Variants in CRHBP observed in about 807,000 individuals in gnomAD.
CRHBP encodes the protein corticotropin-releasing hormone-binding protein.
Under a neutral mutation model 34.9 loss-of-function variants are expected in CRHBP, and 19 were observed. That is an observed-to-expected ratio of 0.55 (90% confidence interval 0.38 to 0.80). The LOEUF (loss-of-function observed/expected upper bound fraction) is 0.80. Among genes scored for constraint, CRHBP ranks in the 30% least tolerant of loss-of-function variants. CRHBP has a pLI of 0.00. For missense variants in CRHBP, 328 were observed against 409.2 expected, an observed-to-expected ratio of 0.80 and a Z score of 1.71; for synonymous variants, 154 against 153.4, an observed-to-expected ratio of 1.00 and a Z score of -0.03.
At chr5:76,972,492 C>T (rs1023696829), downstream of CRHBP, among the ~76,000 whole-genome samples, 4 of 151,478 alleles carry the variant, frequency 2.6e-5, no homozygotes, top group Non-Finnish European at 4.4e-5. Flanking sequence ...AGAGGGACTC[C>T]GTCTCAAAAA....
At chr5:76,975,843 TATACACGC>T (rs1176105595) in intron 2 of CRHBP, among the ~76,000 whole-genome samples, 2 of 96,346 alleles carry the variant, frequency 2.1e-5, no homozygotes, top group Admixed American at 9.8e-5. Flanking sequence ...TATATATATA[TATACACGC>T]ATATATATAT....
At chr5:76,970,445 A>G (rs1337180455), downstream of CRHBP, among the ~76,000 whole-genome samples, 3 of 152,148 alleles carry the variant, frequency 2.0e-5, no homozygotes, top group South Asian at 2.1e-4. Flanking sequence ...AAGTGTTTCA[A>G]ATACCTAGGA....
rs1176894871 is a variant in CRHBP, at chr5:76,975,842, A to ATATATATATG, written n.312-519_312-518insTATATGTATA. Among the ~76,000 whole-genome samples the ATATATATATG allele has an allele frequency of 1.7e-3, 170 of 100,528 alleles. 3 individuals carry two copies. Among genetic ancestry groups the ATATATATATG allele is most frequent in the African/African-American group, 8.5e-3 (162 of 19,066 alleles). The allele number at this position is 100,528 out of a possible 152,430, so 66.0% of individuals were successfully genotyped here. The stretch of plus-strand genomic sequence containing the variant: ...AAAAAAAAAATATATATATATATAT[A>ATATATATATG]TATACACGCATATATATATACACAC... On this transcript the variant is annotated intron_variant and non_coding_transcript_variant, in intron 2 of 3. Coordinates refer to the CRHBP transcript ENST00000514258.
chr5:76,953,343 C>T (rs1282419774), intron 1 of CRHBP, 128 bp downstream of exon 1: 2 of 903,160 alleles, frequency 2.2e-6, no homozygotes, highest in East Asian at 5.3e-5. Flanking sequence ...TGCTGTCTTG[C>T]CCCTGGTTTC....
At chr5:76,979,624 C>T (rs1297688784) in intron 3 of CRHBP, among the ~76,000 whole-genome samples, 1 of 152,194 alleles carries the variant, frequency 6.6e-6, no homozygotes, top group Non-Finnish European at 1.5e-5. Flanking sequence ...GCTGGGATTA[C>T]AGGCGTGAGA....
Position 76,954,144 on chromosome 5 carries a change from C to T in CRHBP, c.291C>T (p.Tyr97=). ...SEPEEFITIH[Y]DQVSIDCQGG... is the part of the protein sequence containing the mutation. The stretch of plus-strand genomic sequence containing the variant: ...CCGAGGAGTTCATTACCATCCACTA[C>T]GACCAGGTCTCCATCGACTGTCAGG... Residue 97 remains tyrosine, a synonymous_variant, in exon 3 of 7, where the codon TAC becomes TAT. Coordinates refer to ENST00000274368, the MANE Select transcript of CRHBP (RefSeq NM_001882.4). 2 of 1,614,006 alleles carry T rather than the reference C, an allele frequency of 1.2e-6. No individual in the cohort carries two copies. The highest frequency in any genetic ancestry group is 2.2e-5 in the East Asian group (1 of 44,854).
At chr5:76,953,953 C>T (rs1745621198) in intron 2 of CRHBP, 76 bp from the exon 3 acceptor site, 5 of 1,513,942 alleles carry the variant, frequency 3.3e-6, no homozygotes, top group Non-Finnish European at 4.4e-6. Flanking sequence ...ATGGGGCGCG[C>T]GGAGAGCGGC....
chr5:76,954,329 A>G, intron 3 of CRHBP, 143 bp downstream of exon 3: 2 of 1,040,526 alleles, frequency 1.9e-6, no homozygotes, highest in Non-Finnish European at 1.4e-6. Flanking sequence ...CCCGAGTCGG[A>G]GAGGCGCGTT....
rs1745610725 is a variant in CRHBP, at chr5:76,953,644, C to G, written c.125C>G (p.Ala42Gly). The G allele has an allele frequency of 6.2e-7, 1 of 1,612,334 alleles. No homozygotes were observed. Among genetic ancestry groups the G allele is most frequent in the Non-Finnish European group, 8.5e-7 (1 of 1,179,476 alleles). The change falls in exon 2 of 7, where the codon GCC (alanine) becomes GGC (glycine). Residue 42 changes from alanine to glycine, a missense_variant. By Grantham distance (60) the Ala-to-Gly change is moderately conservative. Transcript: ENST00000274368. ...ADYDPFLLFSANLKRELAGEQ... is the reference protein window; with the variant it reads ...ADYDPFLLFSGNLKRELAGEQ... ...TACGATCCTTTCCTGCTCTTCAGCG[C>G]CAACCTGAAGCGGGAGCTGGCTGGG...
chr5:76,967,080 T>G (rs146332159), intron 6 of CRHBP, among the ~76,000 whole-genome samples: 64 of 152,158 alleles, frequency 4.2e-4, no homozygotes, highest in African/African-American at 1.5e-3. Context: ...CCATCTCTAT[T>G]CAAATTCAAA....
At chr5:76,959,636 C>T (rs564511269) in intron 5 of CRHBP, among the ~76,000 whole-genome samples, 285 of 152,272 alleles carry the variant, frequency 1.9e-3, no homozygotes, top group African/African-American at 6.5e-3. Context: ...CCTAATCAGA[C>T]AGATTTTAGT....
chr5:76,976,426 G>C (rs911973616), exon 3 of CRHBP: 12 of 152,322 alleles, frequency 7.9e-5, no homozygotes, highest in African/African-American at 2.4e-4. Flanking sequence ...GATGAGAGAT[G>C]GATGGGCCCA....
chr5:76,953,139 C>G lies in CRHBP; in HGVS notation c.5C>G (p.Ser2Trp), dbSNP rs1414193628. The G allele has an allele frequency of 6.2e-7, 1 of 1,614,238 alleles. No homozygotes were observed. Among genetic ancestry groups the G allele is most frequent in the Non-Finnish European group, 8.5e-7 (1 of 1,180,032 alleles). The change falls in exon 1 of 7, where the codon TCG (serine) becomes TGG (tryptophan). Residue 2 changes from serine (S) to tryptophan (W), a missense_variant. Physicochemically the swap from Ser to Trp is radical, Grantham distance 177. Around this residue, in one of 3 missense-constraint regions of CRHBP, gnomAD observed 11 missense variants for 20.3 expected, o/e 0.54. Transcript: ENST00000274368. ...AGCTGCAGAGGCAAGGCCAGCATGT[C>G]GCCCAACTTCAAACTTCAGTGTCAC... M[S>W]PNFKLQCHFI...
At position 76,954,111 on chromosome 5, in the gene CRHBP, C is replaced by T; in HGVS notation, c.258C>T (p.Ile86=). 6.2e-7 allele frequency: 1 copy of T among 1,614,100 alleles called. No individual in the cohort carries two copies. Among genetic ancestry groups the T allele is most frequent in the Non-Finnish European group, 8.5e-7 (1 of 1,179,964 alleles). ...AGCTGCACTGCGCAGCCTTCTTCAT[C>T]AGCGAGCCCGAGGAGTTCATTACCA... The part of the protein sequence containing the change: ...RPQLHCAAFF[I]SEPEEFITIH... Residue 86 remains isoleucine, a synonymous_variant, in exon 3 of 7, where the codon ATC becomes ATT. Coordinates refer to ENST00000274368, the MANE Select transcript of CRHBP (RefSeq NM_001882.4).
At chr5:76,960,769 TTTG>T (rs1274723522) in intron 5 of CRHBP, among the ~76,000 whole-genome samples, 1 of 136,648 alleles carries the variant, frequency 7.3e-6, no homozygotes, top group Middle Eastern at 3.6e-3. Flanking sequence ...TTTTTTGTTT[TTTG>T]TTTTTTTTTT....
At chr5:76,970,276 T>G (rs1362247824), downstream of CRHBP, among the ~76,000 whole-genome samples, 1 of 152,128 alleles carries the variant, frequency 6.6e-6, no homozygotes, top group African/African-American at 2.4e-5. Context: ...CTCTTTACTT[T>G]GGATTAGTAG....
At chr5:76,967,999 A>G (rs1745885005) in intron 6 of CRHBP, among the ~76,000 whole-genome samples, 1 of 152,094 alleles carries the variant, frequency 6.6e-6, no homozygotes, top group South Asian at 2.1e-4. Flanking sequence ...GCCCAGCTGA[A>G]TAAGATTGGA....
chr5:76,957,535 G>A (rs970968979), intron 4 of CRHBP, among the ~76,000 whole-genome samples: 5 of 152,062 alleles, frequency 3.3e-5, no homozygotes, highest in Non-Finnish European at 4.4e-5. Flanking sequence ...ACAGGCGCCC[G>A]TCACCATGCC....
chr5:76,955,425 C>G (rs1179950961), intron 3 of CRHBP, among the ~76,000 whole-genome samples: 2 of 152,150 alleles, frequency 1.3e-5, no homozygotes, highest in Non-Finnish European at 2.9e-5. Flanking sequence ...AGTTTACTTA[C>G]TTTGGAAGCT....
Sources: allele counts gnomAD v4.1 joint callset (sites outside exome capture counted in the v4.1 genomes callset), GRCh38; gene constraint gnomAD v4.1.1; regional missense constraint gnomAD v4.1.1; transcripts MANE v1.5; gene names NCBI Gene and HGNC (gene_info 2026-07-23, HGNC 2026-07-21).